WDR49: variants seen among roughly 807,000 people sequenced by gnomAD.
The protein encoded by WDR49 is WD repeat domain 49.
A neutral mutation model predicts 119.5 loss-of-function variants in WDR49; 107 were observed. That is an observed-to-expected ratio of 0.90 (90% CI 0.77 to 1.05). The LOEUF (loss-of-function observed/expected upper bound fraction) is 1.05, where lower values mean the gene tolerates loss of function less well. WDR49 is among the 50% of genes least tolerant of loss of function. WDR49 has a pLI of 0.00. For synonymous variants in WDR49, 425 were observed against 418.8 expected (o/e 1.01, Z -0.18); for missense variants, 1,240 against 1,220.5 (o/e 1.02, Z -0.24).
intron 5 of WDR49, among the ~76,000 whole-genome samples, chr3:167,608,828 T>C (rs943421685): frequency 2.6e-5 from 4 of 151,768 alleles, no homozygotes; most frequent in African/African-American, 9.7e-5. Context: ...AAATTACTTT[T>C]ATATAACATT....
intron 7 of WDR49, among the ~76,000 whole-genome samples, chr3:167,598,304 CAA>C (rs112983257): frequency 7.5e-6 from 1 of 134,096 alleles, no homozygotes. Context: ...GACTCCATCT[CAA>C]AAAAAAAAAG....
intron 5 of WDR49, among the ~76,000 whole-genome samples, chr3:167,613,271 C>A (rs1716432290): frequency 6.6e-6 from 1 of 152,146 alleles, no homozygotes; most frequent in Non-Finnish European, 1.5e-5. Flanking sequence ...CACTGCTAAG[C>A]ATATTTAAAA....
chr3:167,575,642 G>A (rs1268299877), intron 8 of WDR49, among the ~76,000 whole-genome samples: 6 of 152,192 alleles, frequency 3.9e-5, no homozygotes, highest in Non-Finnish European at 8.8e-5. Context: ...ACAAAGATAA[G>A]TTCAATTATA....
chr3:167,501,610 T>A (rs1436938719), intron 17 of WDR49, among the ~76,000 whole-genome samples: 1 of 152,194 alleles, frequency 6.6e-6, no homozygotes, highest in African/African-American at 2.4e-5. Flanking sequence ...TATGAAAGTG[T>A]GACATTCCCT....
intron 10 of WDR49, among the ~76,000 whole-genome samples, chr3:167,538,076 T>C (rs2108249855): frequency 6.6e-6 from 1 of 152,238 alleles, no homozygotes. Context: ...ACATTCCTTA[T>C]CTTCATTCCT....
intron 16 of WDR49, among the ~76,000 whole-genome samples, chr3:167,513,741 C>T (rs1403240941): frequency 1.3e-5 from 2 of 152,016 alleles, no homozygotes; most frequent in Admixed American, 1.3e-4. Context: ...CACACATAGG[C>T]TCAAAATAAA....
chr3:167,560,129 T>C lies in WDR49; in HGVS notation c.1609A>G (p.Ser537Gly). Residue 537 changes from serine to glycine, a missense_variant, in exon 9 of 19, where the codon AGC becomes GGC. Ser to Gly is a moderately conservative substitution (Grantham distance 56). Coordinates refer to ENST00000682715, the MANE Select transcript of WDR49 (RefSeq NM_001366157.1). ...TCATTTGCATCAAGGGCCATAGTGC[T>C]GATTTCTGCGTTGCCGTGGCAACCA... ...FTGCHGNAEISTMALDANETR... is the reference protein window; with the variant it reads ...FTGCHGNAEIGTMALDANETR... 11 of 1,614,222 alleles carry C rather than the reference T, an allele frequency of 6.8e-6. No homozygotes were observed. The highest frequency in any genetic ancestry group is 9.3e-6 in the Non-Finnish European group (11 of 1,180,046).
chr3:167,551,552 T>G (rs1477284836), intron 10 of WDR49, among the ~76,000 whole-genome samples: 1 of 152,050 alleles, frequency 6.6e-6, no homozygotes, highest in Non-Finnish European at 1.5e-5. Flanking sequence ...AGAAAGAGTA[T>G]TGACTTTGGC....
At chr3:167,574,128 C>T (rs935176573) in intron 8 of WDR49, among the ~76,000 whole-genome samples, 2 of 152,140 alleles carry the variant, frequency 1.3e-5, no homozygotes. Flanking sequence ...TCTTTCATTC[C>T]ACAATCCTGT....
intron 7 of WDR49, among the ~76,000 whole-genome samples, chr3:167,587,279 A>T (rs1714867878): frequency 6.6e-6 from 1 of 152,198 alleles, no homozygotes; most frequent in South Asian, 2.1e-4. Context: ...GAAATGAAAC[A>T]AAGTGCTAAA....
rs373958358 is a variant in WDR49 at position 167,550,175 on chromosome 3, A to G, written c.1823+4475T>C. Among the ~76,000 whole-genome samples, 258 of 152,114 alleles carry G rather than the reference A, an allele frequency of 1.7e-3. 11 individuals carry two copies. In the East Asian group the frequency reaches 0.042, roughly 25 times the overall value. On this transcript the variant is annotated intron_variant, in intron 10 of 18. Coordinates refer to ENST00000682715, the MANE Select transcript of WDR49 (RefSeq NM_001366157.1). Reference sequence around the variant, plus strand: ...TGGCTTAGGATTGTCTTGGCAATGCAGGCTCTTTTTTGGTTCCATATGAAC... The same window carrying G: ...TGGCTTAGGATTGTCTTGGCAATGCGGGCTCTTTTTTGGTTCCATATGAAC...
At chr3:167,604,166 G>A in intron 6 of WDR49, 135 bp downstream of exon 6, 1 of 980,024 alleles carries the variant, frequency 1.0e-6, no homozygotes, top group Non-Finnish European at 1.5e-6. Flanking sequence ...GACATTCTCA[G>A]GCAGTAAAAT....
intron 8 of WDR49, among the ~76,000 whole-genome samples, chr3:167,564,415 T>A (rs1713465967): frequency 1.3e-5 from 2 of 152,218 alleles, no homozygotes; most frequent in Non-Finnish European, 2.9e-5. Flanking sequence ...TAACATTACT[T>A]GGCAGATGAA....
chr3:167,483,022 A>AG (rs892758568), intron 18 of WDR49, among the ~76,000 whole-genome samples: 1 of 152,190 alleles, frequency 6.6e-6, no homozygotes, highest in Non-Finnish European at 1.5e-5. Flanking sequence ...GTGTGGTAGA[A>AG]GGGGGGTAGG....
intron 5 of WDR49, among the ~76,000 whole-genome samples, chr3:167,617,267 C>G (rs1716641364): frequency 6.6e-6 from 1 of 152,170 alleles, no homozygotes; most frequent in Non-Finnish European, 1.5e-5. Flanking sequence ...TGGCTCACAC[C>G]TATAATCCCA....
At chr3:167,524,043 T>G (rs1472698577) in intron 15 of WDR49, among the ~76,000 whole-genome samples, 1 of 152,160 alleles carries the variant, frequency 6.6e-6, no homozygotes, top group African/African-American at 2.4e-5. Context: ...TTTCTCCACA[T>G]CCTCACCAGC....
At chr3:167,574,649 T>C (rs1714138597) in intron 8 of WDR49, among the ~76,000 whole-genome samples, 1 of 152,236 alleles carries the variant, frequency 6.6e-6, no homozygotes, top group South Asian at 2.1e-4. Context: ...TTTGTCTTTA[T>C]GCCCCAAATA....
chr3:167,571,883 T>C (rs890499612), intron 8 of WDR49, among the ~76,000 whole-genome samples: 1 of 152,238 alleles, frequency 6.6e-6, no homozygotes, highest in Non-Finnish European at 1.5e-5. Flanking sequence ...CCTAAATGTC[T>C]ACCTTGATTA....
rs148176566 is a variant in WDR49, at chr3:167,539,603, C to T, written c.1824-2603G>A. ...CTGAAACCATGCATCTTGTCTTAAT[C>T]TGTAACCGTACAGTAGCAAGCATAG... On this transcript the variant is annotated intron_variant, in intron 10 of 18. Coordinates refer to ENST00000682715, the MANE Select transcript of WDR49 (RefSeq NM_001366157.1). Among the ~76,000 whole-genome samples, 479 of 152,228 alleles carry T rather than the reference C, an allele frequency of 3.1e-3. 4 individuals carry two copies. Among genetic ancestry groups the T allele is most frequent in the East Asian group, 0.03 (157 of 5,176 alleles).
Sources: allele counts gnomAD v4.1 joint callset (sites outside exome capture counted in the v4.1 genomes callset), GRCh38; gene constraint gnomAD v4.1.1; transcripts MANE v1.5; gene names NCBI Gene and HGNC (gene_info 2026-07-23, HGNC 2026-07-21).